GDF6: variants seen among roughly 807,000 people sequenced by gnomAD.
The protein encoded by GDF6 is growth differentiation factor 6, also known as growth/differentiation factor 6.
A neutral mutation model predicts 32.4 loss-of-function variants in GDF6; 3 were observed. That is an observed-to-expected ratio of 0.09 (90% confidence interval 0.04 to 0.24). The LOEUF is 0.24. Ranked by LOEUF, GDF6 falls within the 10% of genes least tolerant of loss-of-function variation. The pLI, the probability that GDF6 is intolerant of heterozygous loss-of-function variation, is 1.00. For synonymous variants in GDF6, 296 were observed against 295.3 expected (o/e 1.00, Z -0.03); for missense variants, 589 against 637.9 (o/e 0.92, Z 0.83).
Position 96,145,412 on chromosome 8 carries a change from G to A in GDF6, c.519C>T (p.Pro173=). 1 of 1,587,328 alleles carries A rather than the reference G, an allele frequency of 6.3e-7. No individual in the cohort carries two copies. The highest frequency in any genetic ancestry group is 8.5e-7 in the Non-Finnish European group (1 of 1,174,630). ...CGGCTGGTGGCCCCCAGGGCGCTGAGGGCGCCTGGCGAAAGAGCCGCAGCT... is the reference window on the plus strand; with the variant it reads ...CGGCTGGTGGCCCCCAGGGCGCTGAAGGCGCCTGGCGAAAGAGCCGCAGCT... ...GAELRLFRQA[P]SAPWGPPAGP... The change falls in exon 2 of 2, where the codon CCC becomes CCT. Residue 173 remains proline (P), a synonymous_variant. Coordinates refer to ENST00000287020, the MANE Select transcript of GDF6 (RefSeq NM_001001557.4). The surrounding 1 kb of genome is among the most constrained non-coding windows in gnomAD (Gnocchi z 5.6).
At chr8:96,157,627 G>A (rs1419778710) in intron 1 of GDF6, among the ~76,000 whole-genome samples, 1 of 152,188 alleles carries the variant, frequency 6.6e-6, no homozygotes, top group Non-Finnish European at 1.5e-5. Flanking sequence ...TCGCCAGGCC[G>A]TCCACGCGTT....
Position 96,160,469 on chromosome 8 carries a change from G to A in GDF6, c.224C>T (p.Pro75Leu), listed in dbSNP as rs1378920942. ...QEPQPRPQDE[P>L]RAQQPRAQEP... is the part of the protein sequence containing the mutation. ...CTGCGCCCGGGGCTGCTGAGCCCGGGGTTCGTCCTGAGGCCGCGGCTGTGG... is the reference window on the plus strand; with the variant it reads ...CTGCGCCCGGGGCTGCTGAGCCCGGAGTTCGTCCTGAGGCCGCGGCTGTGG... The change falls in exon 1 of 2, where the codon CCC becomes CTC. Residue 75 changes from proline (P) to leucine (L), a missense_variant. Pro to Leu is a moderately conservative substitution (Grantham distance 98). Transcript: ENST00000287020. 5.6e-6 allele frequency: 9 copies of A among 1,613,128 alleles called. No individual in the cohort carries two copies. Among genetic ancestry groups the A allele is most frequent in the African/African-American group, 1.3e-5 (1 of 75,036 alleles).
rs915508495 is a variant in GDF6, at chr8:96,142,547, A to G, written c.*2016T>C. The G allele has an allele frequency of 5.9e-5, 9 of 152,790 alleles. No individual in the cohort carries two copies. The East Asian group carries it at 1.5e-3, about 26-fold the overall frequency. 9.5% of individuals were successfully genotyped at this position (152,790 alleles called of 1,614,324 possible). A position where few individuals can be genotyped will look rare whatever the true frequency, so the allele number is the denominator to read the frequency against. ...TTAAGAAAATGGTAACATTATGAAAAAATGAAATATCTGATTAATGCTTAA... is the reference window on the plus strand; with the variant it reads ...TTAAGAAAATGGTAACATTATGAAAGAATGAAATATCTGATTAATGCTTAA... On this transcript the variant is annotated 3_prime_UTR_variant, in exon 2 of 2. Coordinates refer to ENST00000287020, the MANE Select transcript of GDF6 (RefSeq NM_001001557.4).
rs1178088225 is a variant in GDF6 at position 96,144,507 on chromosome 8, G to C, written c.*56C>G. ...GCCTCTCTGCAGCCAGGCCTCCCCT[G>C]CAAGGCGGACCTTGGCCCACCTTGG... On this transcript the variant is annotated 3_prime_UTR_variant, in exon 2 of 2. Coordinates refer to ENST00000287020, the MANE Select transcript of GDF6 (RefSeq NM_001001557.4). The surrounding 1 kb of genome is among the most constrained non-coding windows in gnomAD (Gnocchi z 5.1). 3 of 1,594,144 alleles carry C rather than the reference G, an allele frequency of 1.9e-6. No individual in the cohort carries two copies. The highest frequency in any genetic ancestry group is 2.6e-6 in the Non-Finnish European group (3 of 1,171,024).
At chr8:96,146,593 T>C (rs929588725) in intron 1 of GDF6, among the ~76,000 whole-genome samples, 1 of 151,882 alleles carries the variant, frequency 6.6e-6, no homozygotes, top group Admixed American at 6.6e-5. Flanking sequence ...CATCTGTCCA[T>C]TGAGAACATC....
Sources: gnomAD v4.1 joint callset for allele counts (sites outside exome capture counted in the v4.1 genomes callset) on GRCh38, gnomAD v4.1.1 for gene constraint, Gnocchi (gnomAD v3.1) non-coding constraint, MANE v1.5 for transcripts, NCBI Gene and HGNC (gene_info 2026-07-23, HGNC 2026-07-21) for gene names.